The following MACROD2 variants were observed in gnomAD, a reference collection of about 807,000 sequenced individuals.
MACROD2 encodes the protein mono-ADP ribosylhydrolase 2, also known as ADP-ribose glycohydrolase MACROD2.
A neutral mutation model predicts 70.4 loss-of-function variants in MACROD2; 36 were observed. The observed-to-expected ratio is 0.51, with a 90% CI of 0.39 to 0.68. MACROD2 has a LOEUF of 0.68. MACROD2 is among the 30% of genes least tolerant of loss of function. The pLI is 0.00. For synonymous variants in MACROD2, 172 were observed against 178.8 expected (o/e 0.96, Z 0.30); for missense variants, 496 against 538.4 (o/e 0.92, Z 0.78).
chr20:15,925,446 T>C (rs1245635519), intron 10 of MACROD2, among the ~76,000 whole-genome samples: 1 of 152,206 alleles, frequency 6.6e-6, no homozygotes, highest in Non-Finnish European at 1.5e-5. Flanking sequence ...AAAGTATTTG[T>C]ATTAACATGC....
At chr20:14,031,321 A>C (rs2053244660) in intron 2 of MACROD2, among the ~76,000 whole-genome samples, 1 of 152,176 alleles carries the variant, frequency 6.6e-6, no homozygotes, top group Admixed American at 6.5e-5. Context: ...AATATGTAGT[A>C]TCTCAGTGTG....
chr20:14,730,708 T>C (rs2071585309), intron 5 of MACROD2, among the ~76,000 whole-genome samples: 1 of 152,126 alleles, frequency 6.6e-6, no homozygotes, highest in African/African-American at 2.4e-5. Context: ...ACATATATAG[T>C]ATATAGATAA....
At chr20:14,019,904 C>T (rs1332115948) in intron 2 of MACROD2, among the ~76,000 whole-genome samples, 1 of 152,172 alleles carries the variant, frequency 6.6e-6, no homozygotes, top group Non-Finnish European at 1.5e-5. Context: ...TAGCAGAATT[C>T]ATGCCTCTGT....
chr20:14,052,558 T>C (rs2053581826), intron 2 of MACROD2, among the ~76,000 whole-genome samples: 1 of 151,398 alleles, frequency 6.6e-6, no homozygotes, highest in African/African-American at 2.4e-5. Flanking sequence ...GCGTTTTAAT[T>C]AAGTAGTTAA....
At chr20:15,150,795 C>T (rs1034831167) in intron 5 of MACROD2, among the ~76,000 whole-genome samples, 30 of 151,840 alleles carry the variant, frequency 2.0e-4, no homozygotes, top group South Asian at 4.2e-4. Context: ...TAAAGTGTCT[C>T]GGCCTAATAA....
chr20:15,337,130 A>G (rs2078057369), intron 6 of MACROD2, among the ~76,000 whole-genome samples: 1 of 151,818 alleles, frequency 6.6e-6, no homozygotes, highest in African/African-American at 2.4e-5. Flanking sequence ...GCCATTAACT[A>G]ATTTGGAAGA....
At chr20:15,830,775 A>G (rs2064046751) in intron 8 of MACROD2, among the ~76,000 whole-genome samples, 1 of 152,276 alleles carries the variant, frequency 6.6e-6, no homozygotes, top group South Asian at 2.1e-4. Context: ...AATTAAATGT[A>G]TCCATCAAAT....
chr20:14,578,081 G>T (rs778096647), intron 4 of MACROD2, among the ~76,000 whole-genome samples: 8 of 151,622 alleles, frequency 5.3e-5, no homozygotes, highest in Non-Finnish European at 8.8e-5. Context: ...ATTTTACATA[G>T]TCAGGAAATG....
At chr20:15,408,831 A>T (rs1379908360) in intron 6 of MACROD2, among the ~76,000 whole-genome samples, 1 of 152,224 alleles carries the variant, frequency 6.6e-6, no homozygotes, top group Non-Finnish European at 1.5e-5. Flanking sequence ...TCTGGAGGGA[A>T]TCTTTTAAGA....
intron 5 of MACROD2, among the ~76,000 whole-genome samples, chr20:14,952,034 C>A (rs987823811): frequency 6.6e-6 from 1 of 151,984 alleles, no homozygotes; most frequent in African/African-American, 2.4e-5. Context: ...ACCATCCTGC[C>A]CTCCCCTGTG....
intron 3 of MACROD2, among the ~76,000 whole-genome samples, chr20:14,376,816 T>C (rs931028143): frequency 1.3e-5 from 2 of 150,730 alleles, no homozygotes; most frequent in African/African-American, 2.4e-5. Flanking sequence ...TTTGACTCTT[T>C]GGAACCATAC....
intron 5 of MACROD2, among the ~76,000 whole-genome samples, chr20:14,742,598 T>G (rs1044975456): frequency 2.6e-5 from 4 of 151,964 alleles, no homozygotes; most frequent in African/African-American, 9.6e-5. Context: ...TAATAAGGGT[T>G]AAAATCATGG....
chr20:15,770,548 C>T (rs894931161), intron 8 of MACROD2, among the ~76,000 whole-genome samples: 1 of 152,070 alleles, frequency 6.6e-6, no homozygotes, highest in East Asian at 1.9e-4. Context: ...AAAAGAAAGA[C>T]ACAAACTCAC....
At chr20:15,069,768 G>A (rs2075604908) in intron 5 of MACROD2, among the ~76,000 whole-genome samples, 2 of 152,228 alleles carry the variant, frequency 1.3e-5, no homozygotes, top group Non-Finnish European at 2.9e-5. Context: ...ACATTTCAGA[G>A]ACTGTATGGG....
chr20:14,418,275 C>G (rs2083833509), intron 3 of MACROD2, among the ~76,000 whole-genome samples: 7 of 152,066 alleles, frequency 4.6e-5, no homozygotes, highest in Admixed American at 4.6e-4. Context: ...TAATTCATAG[C>G]ACAGGCATTA....
At chr20:15,264,364 C>A (rs942698522) in intron 6 of MACROD2, among the ~76,000 whole-genome samples, 2 of 152,126 alleles carry the variant, frequency 1.3e-5, no homozygotes, top group African/African-American at 4.8e-5. Flanking sequence ...GCAAAGGGAA[C>A]CTTCCTTCAT....
intron 8 of MACROD2, among the ~76,000 whole-genome samples, chr20:15,796,476 T>C (rs571419818): frequency 1.3e-4 from 20 of 152,360 alleles, no homozygotes; most frequent in African/African-American, 4.3e-4. Context: ...GTTTTGAGTA[T>C]GCAATTAAAT....
At chr20:15,078,733 G>A (rs776119244) in intron 5 of MACROD2, among the ~76,000 whole-genome samples, 20 of 143,606 alleles carry the variant, frequency 1.4e-4, no homozygotes, top group East Asian at 1.0e-3. Context: ...TGCAATCTTC[G>A]ACTCCTGGGT....
At chr20:14,441,671 T>C (rs542605462) in intron 3 of MACROD2, among the ~76,000 whole-genome samples, 4 of 152,276 alleles carry the variant, frequency 2.6e-5, no homozygotes, top group Non-Finnish European at 1.5e-5. Flanking sequence ...CAGAAATGAC[T>C]ACAGAGATTT....
Sources: allele counts gnomAD v4.1 joint callset (sites outside exome capture counted in the v4.1 genomes callset), GRCh38; gene constraint gnomAD v4.1.1; transcripts MANE v1.5; gene names NCBI Gene and HGNC (gene_info 2026-07-23, HGNC 2026-07-21).